The following RAPGEF5 variants were observed in gnomAD, a reference collection of about 807,000 sequenced individuals.
RAPGEF5 encodes the protein Rap guanine nucleotide exchange factor 5, also known as M-Ras-regulated GEF.
In RAPGEF5, 65 loss-of-function variants were observed where a neutral mutation model predicts 125.2. The ratio of observed to expected loss-of-function variants is 0.52; its 90% CI spans 0.43 to 0.64. RAPGEF5 has a LOEUF of 0.64. Among genes scored for constraint, RAPGEF5 ranks in the 30% least tolerant of loss-of-function variants. The pLI, the probability that RAPGEF5 is intolerant of heterozygous loss-of-function variation, is 0.00. For synonymous variants in RAPGEF5, 391 were observed against 385.9 expected, an observed-to-expected ratio of 1.01 and a Z score of -0.16; for missense variants, 958 against 1,048.1, an observed-to-expected ratio of 0.91 and a Z score of 1.19.
At chr7:22,164,666 A>G (rs991067755) in intron 12 of RAPGEF5, among the ~76,000 whole-genome samples, 1 of 152,162 alleles carries the variant, frequency 6.6e-6, no homozygotes, top group African/African-American at 2.4e-5. Context: ...CTGATTTCCA[A>G]TATTAGGATA....
chr7:22,199,532 A>G (rs1167365089), intron 9 of RAPGEF5, among the ~76,000 whole-genome samples: 3 of 2,942 alleles, frequency 1.0e-3, no homozygotes, highest in African/African-American at 5.5e-3. Flanking sequence ...CTTAAAATTG[A>G]AAAAAAAAAA....
At chr7:22,160,362 C>A (rs1174498871) in intron 14 of RAPGEF5, among the ~76,000 whole-genome samples, 156 bp downstream of exon 14, 1 of 152,038 alleles carries the variant, frequency 6.6e-6, no homozygotes, top group African/African-American at 2.4e-5. Flanking sequence ...GTTATAAGAA[C>A]AAAACATACA....
chr7:22,233,730 T>G (rs1049308081), intron 7 of RAPGEF5, among the ~76,000 whole-genome samples: 65 of 152,156 alleles, frequency 4.3e-4, no homozygotes, highest in African/African-American at 1.5e-3. Flanking sequence ...GGAATAATTC[T>G]TAATACATAG....
chr7:22,315,884 C>T lies in RAPGEF5; in HGVS notation c.283-408G>A, dbSNP rs115799228. 1.6e-3 allele frequency among the ~76,000 whole-genome samples: 245 copies of T among 152,068 alleles called. 2 individuals carry two copies. The highest frequency in any genetic ancestry group is 5.8e-3 in the African/African-American group (239 of 41,474). On this transcript the variant is annotated intron_variant, in intron 2 of 25. Coordinates refer to ENST00000665637, the MANE Select transcript of RAPGEF5 (RefSeq NM_012294.5). ...TGCATATTGATAATGCAAACATACA[C>T]AGGTCTTGGAAGATGGAAAAACAAT...
At chr7:22,333,930 C>T (rs1783975784) in intron 1 of RAPGEF5, among the ~76,000 whole-genome samples, 1 of 151,970 alleles carries the variant, frequency 6.6e-6, no homozygotes, top group African/African-American at 2.4e-5. Context: ...GCTTGTGCCC[C>T]AAGAAACGGT....
chr7:22,317,901 A>C, intron 2 of RAPGEF5, 86 bp downstream of exon 2: 2 of 1,522,400 alleles, frequency 1.3e-6, no homozygotes, highest in Middle Eastern at 1.7e-4. Context: ...TCAGGAGCAA[A>C]GGGAACAACT....
In RAPGEF5 at chr7:22,357,080, G is replaced by A. The variant is rs1166263494; in HGVS notation, c.-20C>T. The stretch of plus-strand genomic sequence containing the variant: ...CCTCATGCCCTGACGGCGCTGCGGC[G>A]CCGGGGGCTCCTCTCCACCGCGCTC... On this transcript the variant is annotated 5_prime_UTR_variant, in exon 1 of 26. Transcript: ENST00000665637. The A allele has an allele frequency of 2.3e-5, 24 of 1,029,516 alleles. No individual in the cohort carries two copies. Among genetic ancestry groups the A allele is most frequent in the Non-Finnish European group, 1.3e-5 (11 of 858,790 alleles). The allele number at this position is 1,029,516 out of a possible 1,614,324, so 63.8% of individuals were successfully genotyped here.
intron 1 of RAPGEF5, among the ~76,000 whole-genome samples, chr7:22,324,522 G>T (rs1021696720): frequency 9.2e-5 from 14 of 152,306 alleles, no homozygotes; most frequent in African/African-American, 3.4e-4. Context: ...ATTTGGAGAA[G>T]CTGAGTGATG....
chr7:22,164,086 C>T (rs995878422), intron 12 of RAPGEF5, among the ~76,000 whole-genome samples: 21 of 152,128 alleles, frequency 1.4e-4, no homozygotes, highest in South Asian at 6.2e-4. Flanking sequence ...ATAATCCCAG[C>T]GCTTTGGGAG....
At chr7:22,191,235 T>C (rs946456106) in intron 11 of RAPGEF5, among the ~76,000 whole-genome samples, 2 of 152,192 alleles carry the variant, frequency 1.3e-5, no homozygotes, top group Non-Finnish European at 2.9e-5. Context: ...TTATTATATT[T>C]CTTATAATCT....
intron 11 of RAPGEF5, chr7:22,191,292 G>A (rs1202388118): frequency 5.0e-6 from 1 of 199,192 alleles, no homozygotes; most frequent in Non-Finnish European, 1.1e-5. Flanking sequence ...TTTTCTCCAA[G>A]TGCCGTTCTT....
At chr7:22,240,929 C>A (rs1198824385) in intron 7 of RAPGEF5, among the ~76,000 whole-genome samples, 1 of 152,206 alleles carries the variant, frequency 6.6e-6, no homozygotes, top group East Asian at 1.9e-4. Flanking sequence ...GTACAAAGCT[C>A]TGTGTGCTTT....
At chr7:22,344,106 C>T (rs890924737) in intron 1 of RAPGEF5, among the ~76,000 whole-genome samples, 2 of 152,166 alleles carry the variant, frequency 1.3e-5, no homozygotes, top group Non-Finnish European at 2.9e-5. Context: ...TGAAGCCCAG[C>T]ATCACTTTCA....
chr7:22,210,768 T>C (rs1263249127), intron 9 of RAPGEF5, among the ~76,000 whole-genome samples: 1 of 152,132 alleles, frequency 6.6e-6, no homozygotes, highest in Non-Finnish European at 1.5e-5. Flanking sequence ...GTGCCATAAA[T>C]GAACATACAT....
Position 22,118,831 on chromosome 7 carries a change from T to C in RAPGEF5, c.*3575A>G, listed in dbSNP as rs1349746509. The C allele has an allele frequency of 6.6e-6, 1 of 152,634 alleles. No homozygotes were observed. The highest frequency in any genetic ancestry group is 1.5e-5 in the Non-Finnish European group (1 of 68,046). The allele number at this position is 152,634 out of a possible 1,614,324, so 9.5% of individuals were successfully genotyped here. On this transcript the variant is annotated 3_prime_UTR_variant, in exon 26 of 26. Coordinates refer to ENST00000665637, the MANE Select transcript of RAPGEF5 (RefSeq NM_012294.5). The stretch of plus-strand genomic sequence containing the variant: ...ACTCTGCTAAAAAATGTTTAGTATA[T>C]ACAGCTTTGCTTTATACAGTAATAC...
intron 5 of RAPGEF5, among the ~76,000 whole-genome samples, chr7:22,299,578 G>C (rs1018766589): frequency 6.6e-6 from 1 of 151,948 alleles, no homozygotes; most frequent in African/African-American, 2.4e-5. Context: ...CACTTATGTA[G>C]CTTTTCCTTT....
intron 7 of RAPGEF5, among the ~76,000 whole-genome samples, chr7:22,241,516 G>T (rs925495145): frequency 6.6e-6 from 1 of 152,080 alleles, no homozygotes; most frequent in African/African-American, 2.4e-5. Flanking sequence ...TATACATTAG[G>T]GAAAAATAAA....
At chr7:22,243,624 C>T (rs934780159) in intron 7 of RAPGEF5, among the ~76,000 whole-genome samples, 3 of 152,012 alleles carry the variant, frequency 2.0e-5, no homozygotes, top group African/African-American at 7.3e-5. Flanking sequence ...TTTTAATTGA[C>T]AAATAAGAGT....
chr7:22,203,293 G>A (rs117498186), intron 9 of RAPGEF5, among the ~76,000 whole-genome samples: 13 of 152,112 alleles, frequency 8.5e-5, no homozygotes, highest in Non-Finnish European at 1.5e-4. Context: ...TCACCTCCCC[G>A]CAAATCTCAC....
Sources: gnomAD v4.1 joint callset for allele counts (sites outside exome capture counted in the v4.1 genomes callset) on GRCh38, gnomAD v4.1.1 for gene constraint, MANE v1.5 for transcripts, NCBI Gene and HGNC (gene_info 2026-07-23, HGNC 2026-07-21) for gene names.